SLC17A7: variants seen among roughly 807,000 people sequenced by gnomAD.
SLC17A7 encodes the protein solute carrier family 17 member 7, also known as vesicular glutamate transporter 1.
A neutral mutation model predicts 59.1 loss-of-function variants in SLC17A7; 15 were observed. The observed-to-expected ratio is 0.25, with a 90% CI of 0.17 to 0.39. The LOEUF (loss-of-function observed/expected upper bound fraction) is 0.39. SLC17A7 is among the 10% of genes least tolerant of loss of function. The pLI, the probability that SLC17A7 is intolerant of heterozygous loss-of-function variation, is 1.00. For missense variants in SLC17A7, 499 were observed against 765.1 expected, an observed-to-expected ratio of 0.65 and a Z score of 4.10; for synonymous variants, 353 against 308.9, an observed-to-expected ratio of 1.14 and a Z score of -1.50.
rs757943725 is a variant in SLC17A7 at position 49,436,739 on chromosome 19, A to T, written c.125T>A (p.Val42Glu). The T allele has an allele frequency of 6.2e-7, 1 of 1,610,188 alleles. No individual in the cohort carries two copies. The highest frequency in any genetic ancestry group is 1.1e-5 in the South Asian group (1 of 91,064). ...TLELSADGRPVTTQTRDPPVV... is the reference protein window; with the variant it reads ...TLELSADGRPETTQTRDPPVV... ...CGGCGGGTCCCGGGTCTGCGTGGTC[A>T]CCGGGCGCCCATCCGCACTCAGCTC... The change falls in exon 2 of 12, where the codon GTG (valine) becomes GAG (glutamate). Residue 42 changes from valine (V) to glutamate (E), a missense_variant. Around this residue, in one of 3 missense-constraint regions of SLC17A7, gnomAD observed 78 missense variants for 80.4 expected, o/e 0.97. Coordinates refer to ENST00000221485, the MANE Select transcript of SLC17A7 (RefSeq NM_020309.4). The surrounding 1 kb of genome is among the most constrained non-coding windows in gnomAD (Gnocchi z 4.1).
chr19:49,441,286 C>T (rs1217774389), intron 1 of SLC17A7, 32 bp downstream of exon 1: 1 of 1,603,644 alleles, frequency 6.2e-7, no homozygotes, highest in East Asian at 2.3e-5. Context: ...CAGATCCTCC[C>T]ACTCTTCTCC....
At position 49,433,952 on chromosome 19, in the gene SLC17A7, T is replaced by C; in HGVS notation, c.724+8A>G. 1 of 1,613,220 alleles carries C rather than the reference T, an allele frequency of 6.2e-7. No homozygotes were observed. Among genetic ancestry groups the C allele is most frequent in the Non-Finnish European group, 8.5e-7 (1 of 1,179,810 alleles). ...CGCCACCCGGAACCAGGCATCCGGG[T>C]CCCTCACCGTAGACGTAGAAAACAG... On this transcript the variant is annotated splice_region_variant and intron_variant, in intron 6 of 11. Transcript: ENST00000221485. The surrounding 1 kb of genome is among the most constrained non-coding windows in gnomAD (Gnocchi z 5.7).
Position 49,441,488 on chromosome 19 carries a change from C to T in SLC17A7, c.-109G>A, listed in dbSNP as rs1462673750. 1.8e-6 allele frequency: 2 copies of T among 1,088,570 alleles called. No homozygotes were observed. The highest frequency in any genetic ancestry group is 1.7e-5 in the African/African-American group (1 of 59,190). The allele number at this position is 1,088,570 out of a possible 1,614,324, so 67.4% of individuals were successfully genotyped here. On this transcript the variant is annotated 5_prime_UTR_variant, in exon 1 of 12. Transcript: ENST00000221485. ...TCCCGGGGTCCAGCCCCGGCCCGGC[C>T]GGCCCCGCAGCTCCGCTCGGGGGGA... is the stretch of plus-strand genomic sequence containing the variant.
intron 1 of SLC17A7, chr19:49,437,171 G>A (rs2078982937): frequency 6.2e-6 from 2 of 323,710 alleles, no homozygotes; most frequent in Non-Finnish European, 5.8e-6. Flanking sequence ...TCCCGGATAA[G>A]AGTCTATTCG....
chr19:49,438,680 T>C (rs947710602), intron 1 of SLC17A7, among the ~76,000 whole-genome samples: 1 of 151,828 alleles, frequency 6.6e-6, no homozygotes, highest in Non-Finnish European at 1.5e-5. Flanking sequence ...ATAGGGGGGA[T>C]TGAAGCCACT....
chr19:49,436,493 T>A lies in SLC17A7; in HGVS notation c.315+56A>T. The A allele has an allele frequency of 1.3e-6, 2 of 1,586,334 alleles. No homozygotes were observed. Among genetic ancestry groups the A allele is most frequent in the Non-Finnish European group, 8.6e-7 (1 of 1,168,608 alleles). On this transcript the variant is annotated intron_variant, in intron 2 of 11. Coordinates refer to ENST00000221485, the MANE Select transcript of SLC17A7 (RefSeq NM_020309.4). The surrounding 1 kb of genome is among the most constrained non-coding windows in gnomAD (Gnocchi z 4.1). ...GGGTGAGTGTGACGTCATGGGGGCGTAGGCGGAGCTCGGTGAGCGGGGCGG... is the reference window on the plus strand; with the variant it reads ...GGGTGAGTGTGACGTCATGGGGGCGAAGGCGGAGCTCGGTGAGCGGGGCGG...
chr19:49,433,747 C>A lies in SLC17A7; in HGVS notation c.846G>T (p.Ala282=). Residue 282 remains alanine (A), a synonymous_variant, in exon 7 of 12, where the codon GCG becomes GCT. Coordinates refer to ENST00000221485, the MANE Select transcript of SLC17A7 (RefSeq NM_020309.4). The surrounding 1 kb of genome is among the most constrained non-coding windows in gnomAD (Gnocchi z 5.7). ...KYIEDAIGES[A]KLMNPLTKFS... is the part of the protein sequence containing the mutation. Reference sequence around the variant, plus strand: ...GGACCGTGAGGGGGTTCATGAGTTTCGCGCTCTCTCCGATGGCGTCCTCGA... The same window carrying A: ...GGACCGTGAGGGGGTTCATGAGTTTAGCGCTCTCTCCGATGGCGTCCTCGA... 1 of 1,614,110 alleles carries A rather than the reference C, an allele frequency of 6.2e-7. No homozygotes were observed. The highest frequency in any genetic ancestry group is 1.1e-5 in the South Asian group (1 of 91,078).
chr19:49,430,620 C>A lies in SLC17A7; in HGVS notation c.1582G>T (p.Ala528Ser). 6.2e-7 allele frequency: 1 copy of A among 1,613,988 alleles called. No individual in the cohort carries two copies. The highest frequency in any genetic ancestry group is 8.5e-7 in the Non-Finnish European group (1 of 1,179,948). Reference sequence around the variant, plus strand: ...GCAGGGGGTGCCCCCGGGGGCTCAGCCTCATCCTCCATTTCGCTGTCGTCA... The same window carrying A: ...GCAGGGGGTGCCCCCGGGGGCTCAGACTCATCCTCCATTTCGCTGTCGTCA... ...GSDDSEMEDE[A>S]EPPGAPPAPP... is the part of the protein sequence containing the mutation. Residue 528 changes from alanine (A) to serine (S), a missense_variant, in exon 12 of 12, where the codon GCT becomes TCT. Coordinates refer to ENST00000221485, the MANE Select transcript of SLC17A7 (RefSeq NM_020309.4).
chr19:49,430,961 T>C (rs1235360162), intron 11 of SLC17A7, 54 bp downstream of exon 11: 2 of 1,571,438 alleles, frequency 1.3e-6, no homozygotes, highest in East Asian at 4.5e-5. Context: ...ACGTGGTCAG[T>C]TAGGTACGAA....
At chr19:49,430,944 T>C (rs2078956927) in intron 11 of SLC17A7, 71 bp downstream of exon 11, 2 of 1,559,254 alleles carry the variant, frequency 1.3e-6, no homozygotes, top group South Asian at 1.2e-5. Context: ...CCAGAGACAG[T>C]GCCACCACGT....
At chr19:49,440,043 G>A (rs560108908) in intron 1 of SLC17A7, among the ~76,000 whole-genome samples, 1 of 152,250 alleles carries the variant, frequency 6.6e-6, no homozygotes, top group South Asian at 2.1e-4. Context: ...GAAGGGGTGA[G>A]GTTATCTCAG....
rs751089192 is a variant in SLC17A7 at position 49,441,332 on chromosome 19, G to A, written c.48C>T (p.Leu16=). The change falls in exon 1 of 12, where the codon CTC becomes CTT. Residue 16 remains leucine, a synonymous_variant. Coordinates refer to ENST00000221485, the MANE Select transcript of SLC17A7 (RefSeq NM_020309.4). The part of the protein sequence containing the change: ...EEFRKLAGRA[L]GKLHRLLEKR... Reference sequence around the variant, plus strand: ...GCCAGGCTCACCGGTGCAGCTTCCCGAGAGCACGACCCGCTAGCTTCCGAA... The same window carrying A: ...GCCAGGCTCACCGGTGCAGCTTCCCAAGAGCACGACCCGCTAGCTTCCGAA... The A allele has an allele frequency of 6.2e-7, 1 of 1,610,238 alleles. No homozygotes were observed. The highest frequency in any genetic ancestry group is 1.3e-5 in the African/African-American group (1 of 74,876).
At position 49,433,613 on chromosome 19, in the gene SLC17A7, G is replaced by A; in HGVS notation, c.867+113C>T. 1 of 1,479,398 alleles carries A rather than the reference G, an allele frequency of 6.8e-7. No homozygotes were observed. The highest frequency in any genetic ancestry group is 9.3e-7 in the Non-Finnish European group (1 of 1,072,146). The allele number at this position is 1,479,398 out of a possible 1,614,324, so 91.6% of individuals were successfully genotyped here. ...CCTAGGTTCTAGCCCCTCTCTTTGC[G>A]TTCCAGTCCCGTCTCCTCTAGAGTC... On this transcript the variant is annotated intron_variant, in intron 7 of 11. Transcript: ENST00000221485. The surrounding 1 kb of genome is among the most constrained non-coding windows in gnomAD (Gnocchi z 5.7).
Position 49,430,162 on chromosome 19 carries a change from G to A in SLC17A7, c.*357C>T, listed in dbSNP as rs2078952250. On this transcript the variant is annotated 3_prime_UTR_variant, in exon 12 of 12. Transcript: ENST00000221485. Reference sequence around the variant, plus strand: ...CTCAAAGGTTAGCCTGAGAGTCCCTGGAGATAAAGGAAAGCGGGGGGTGTG... The same window carrying A: ...CTCAAAGGTTAGCCTGAGAGTCCCTAGAGATAAAGGAAAGCGGGGGGTGTG... The A allele has an allele frequency of 1.1e-5, 2 of 183,014 alleles. No individual in the cohort carries two copies. The highest frequency in any genetic ancestry group is 2.2e-5 in the Non-Finnish European group (2 of 89,218). The allele number at this position is 183,014 out of a possible 1,614,324, so 11.3% of individuals were successfully genotyped here.
rs1224939010 is a variant in SLC17A7, at chr19:49,429,790, C to T, written c.*729G>A. 5.1e-6 allele frequency: 2 copies of T among 388,958 alleles called. No individual in the cohort carries two copies. The highest frequency in any genetic ancestry group is 4.1e-5 in the African/African-American group (2 of 48,232). The allele number at this position is 388,958 out of a possible 1,614,324, so 24.1% of individuals were successfully genotyped here. On this transcript the variant is annotated 3_prime_UTR_variant, in exon 12 of 12. Coordinates refer to ENST00000221485, the MANE Select transcript of SLC17A7 (RefSeq NM_020309.4). ...TGGACTGGAGCAGCCACTATTTAGA[C>T]CTGAAAACCATGTCAGAAAAAGTGC...
rs374987041 is a variant in SLC17A7 at position 49,432,786 on chromosome 19, C to T, written c.1017+25G>A. ...CCTCCCGCCGACCCCTCCGCGCCCC[C>T]CTGCCCTCTCCTCCTGGGCTCTACC... On this transcript the variant is annotated intron_variant, in intron 8 of 11. Transcript: ENST00000221485. The T allele has an allele frequency of 9.5e-5, 150 of 1,587,276 alleles. 1 individual carries two copies. The African/African-American group carries it at 1.8e-3, about 19-fold the overall frequency.
rs766865952 is a variant in SLC17A7, at chr19:49,431,459, G to T, written c.1151-11C>A. ...CTTCCATGCCGAAGCCTACGGGGGC[G>T]GGGGGGGCCCGCGTCTCCTGAGTGT... On this transcript the variant is annotated splice_polypyrimidine_tract_variant and intron_variant, in intron 9 of 11. Transcript: ENST00000221485. This position sits in a 1 kb window ranked among gnomAD's most constrained non-coding sequence, Gnocchi z 4.6. The T allele has an allele frequency of 1.3e-6, 2 of 1,597,746 alleles. No homozygotes were observed.
Position 49,433,697 on chromosome 19 carries a change from G to T in SLC17A7, c.867+29C>A, listed in dbSNP as rs375020620. The T allele has an allele frequency of 3.1e-6, 5 of 1,613,950 alleles. No homozygotes were observed. The South Asian group carries it at 5.5e-5, about 18-fold the overall frequency. ...GGTTCGTGGCTTGCTATCTCTCCCC[G>T]CCCCTTCCCCGAAGATTTGGTCCCG... is the stretch of plus-strand genomic sequence containing the variant. On this transcript the variant is annotated intron_variant, in intron 7 of 11. Coordinates refer to ENST00000221485, the MANE Select transcript of SLC17A7 (RefSeq NM_020309.4). The surrounding 1 kb of genome is among the most constrained non-coding windows in gnomAD (Gnocchi z 5.7).
Position 49,429,643 on chromosome 19 carries a change from C to T in SLC17A7, c.*876G>A. On this transcript the variant is annotated 3_prime_UTR_variant, in exon 12 of 12. Transcript: ENST00000221485. ...AGCCCCTGAGGGACACAACAAATGG[C>T]CACTGAGAAACAGGGTAGTTCGAAA... The T allele has an allele frequency of 2.5e-6, 1 of 398,710 alleles. No homozygotes were observed. The allele number at this position is 398,710 out of a possible 1,614,324, so 24.7% of individuals were successfully genotyped here. A position where few individuals can be genotyped will look rare whatever the true frequency, so the allele number is the denominator to read the frequency against.
Sources: gnomAD v4.1 joint callset for allele counts (sites outside exome capture counted in the v4.1 genomes callset) on GRCh38, gnomAD v4.1.1 for gene constraint, gnomAD v4.1.1 regional missense constraint, Gnocchi (gnomAD v3.1) non-coding constraint, MANE v1.5 for transcripts, NCBI Gene and HGNC (gene_info 2026-07-23, HGNC 2026-07-21) for gene names.